NEFM: variants seen among roughly 807,000 people sequenced by gnomAD.
NEFM encodes the protein neurofilament medium polypeptide.
In NEFM, 16 loss-of-function variants were observed where a neutral mutation model predicts 48.1. That is an observed-to-expected ratio of 0.33 (90% confidence interval 0.23 to 0.51). The LOEUF (loss-of-function observed/expected upper bound fraction) is 0.51, where lower values mean the gene tolerates loss of function less well. Ranked by LOEUF, NEFM falls within the 20% of genes least tolerant of loss-of-function variation. The pLI is 0.98. For missense variants in NEFM, 1,107 were observed against 1,136.0 expected (o/e 0.97, Z 0.37); for synonymous variants, 465 against 456.9 (o/e 1.02, Z -0.23).
At position 24,915,636 on chromosome 8, in the gene NEFM, G is replaced by T; in HGVS notation, c.1112G>T (p.Arg371Leu). Reference sequence around the variant, plus strand: ...ATCCAGCAGCTGGAAAATGAGCTTCGGGGCACAAAGTGGGAAATGGCTCGT... The same window carrying T: ...ATCCAGCAGCTGGAAAATGAGCTTCTGGGCACAAAGTGGGAAATGGCTCGT... The part of the protein sequence containing the change: ...DTIQQLENEL[R>L]GTKWEMARHL... Residue 371 changes from arginine to leucine, a missense_variant, in exon 2 of 3, where the codon CGG becomes CTG. By Grantham distance (102) the Arg-to-Leu change is moderately radical (BLOSUM62 -2). This residue lies in a region of NEFM where 917 missense variants were observed against 916.4 expected (regional missense o/e 1.00). Transcript: ENST00000221166. 6.2e-7 allele frequency: 1 copy of T among 1,613,936 alleles called. No individual in the cohort carries two copies. Among genetic ancestry groups the T allele is most frequent in the Non-Finnish European group, 8.5e-7 (1 of 1,179,986 alleles).
intron 2 of NEFM, among the ~76,000 whole-genome samples, chr8:24,916,006 T>C (rs949539895): frequency 5.3e-5 from 8 of 152,228 alleles, no homozygotes; most frequent in Non-Finnish European, 7.3e-5. Flanking sequence ...GCTTAAACTT[T>C]TTATGGAAAA....
At chr8:24,915,078 C>G in intron 1 of NEFM, 1 of 1,377,276 alleles carries the variant, frequency 7.3e-7, no homozygotes, top group South Asian at 1.7e-5. Context: ...CCTGCCCCAG[C>G]TGCTAAGGGT....
chr8:24,914,411 G>A lies in NEFM; in HGVS notation c.618G>A (p.Leu206=). The change falls in exon 1 of 3, where the codon CTG becomes CTA. Residue 206 remains leucine (L), a synonymous_variant. Coordinates refer to ENST00000221166, the MANE Select transcript of NEFM (RefSeq NM_005382.2). ...ACACTGAGGCGGCCATCCGCGCGCT[G>A]CGCAAAGACATCGAGGAGGCGTCGC... ...RDDTEAAIRA[L]RKDIEEASLV... 3.1e-6 allele frequency: 5 copies of A among 1,613,620 alleles called. No individual in the cohort carries two copies. The highest frequency in any genetic ancestry group is 1.1e-5 in the South Asian group (1 of 91,080).
rs751252581 is a variant in NEFM at position 24,914,035 on chromosome 8, C to T, written c.242C>T (p.Ser81Leu). 11 of 1,612,654 alleles carry T rather than the reference C, an allele frequency of 6.8e-6. No individual in the cohort carries two copies. Among genetic ancestry groups the T allele is most frequent in the African/African-American group, 1.3e-5 (1 of 74,956 alleles). ...AGCAGCCTTGACTTCAGCCAGTCCTCGTCCCTGCTCAACGGCGGCTCCGGA... is the reference window on the plus strand; with the variant it reads ...AGCAGCCTTGACTTCAGCCAGTCCTTGTCCCTGCTCAACGGCGGCTCCGGA... ...AESSLDFSQS[S>L]SLLNGGSGPG... Residue 81 changes from serine to leucine, a missense_variant, in exon 1 of 3, where the codon TCG becomes TTG. Transcript: ENST00000221166.
Position 24,918,823 on chromosome 8 carries a change from T to G in NEFM, c.*217T>G. On this transcript the variant is annotated 3_prime_UTR_variant, in exon 3 of 3. Coordinates refer to ENST00000221166, the MANE Select transcript of NEFM (RefSeq NM_005382.2). ...TGTATGTACCTGGGAAATTTGCCGA[T>G]TTCCTAAGCTGTTGGAAGGGGGTCA... is the stretch of plus-strand genomic sequence containing the variant. The G allele has an allele frequency of 1.9e-6, 1 of 535,558 alleles. No homozygotes were observed. The highest frequency in any genetic ancestry group is 3.4e-6 in the Non-Finnish European group (1 of 298,244). The allele number at this position is 535,558 out of a possible 1,614,324, so 33.2% of individuals were successfully genotyped here.
rs1452169141 is a variant in NEFM at position 24,918,545 on chromosome 8, CT to C, written c.2691del (p.Lys899ArgfsTer2). Reference sequence around the variant, plus strand: ...ACCTTTGAGGAGAAACTAGTGTCTACTAAAAAGGTAGAAAAAGTCACTTCAC... The same window carrying C: ...ACCTTTGAGGAGAAACTAGTGTCTACAAAAAGGTAGAAAAAGTCACTTCAC... ...EETFEEKLVS[T>X]KKVEKVTSHA... On this transcript the variant is annotated frameshift_variant, in exon 3 of 3. Transcript: ENST00000221166. LOFTEE classifies it high-confidence loss of function. 1.2e-6 allele frequency: 2 copies of C among 1,613,526 alleles called. No homozygotes were observed. The highest frequency in any genetic ancestry group is 1.7e-6 in the Non-Finnish European group (2 of 1,179,992).
Position 24,914,343 on chromosome 8 carries a change from C to T in NEFM, c.550C>T (p.Arg184Trp). ...GGACCACCTGGAGGAAGACATCCACCGGCTCAAGGAGCGCTTTGAGGAGGA... is the reference window on the plus strand; with the variant it reads ...GGACCACCTGGAGGAAGACATCCACTGGCTCAAGGAGCGCTTTGAGGAGGA... ...DSDHLEEDIHRLKERFEEEAR... is the reference protein window; with the variant it reads ...DSDHLEEDIHWLKERFEEEAR... Residue 184 changes from arginine (R) to tryptophan (W), a missense_variant, in exon 1 of 3, where the codon CGG becomes TGG. Coordinates refer to ENST00000221166, the MANE Select transcript of NEFM (RefSeq NM_005382.2). The T allele has an allele frequency of 1.9e-6, 3 of 1,613,602 alleles. No homozygotes were observed. The highest frequency in any genetic ancestry group is 2.5e-6 in the Non-Finnish European group (3 of 1,179,938).
At position 24,918,512 on chromosome 8, in the gene NEFM, A is replaced by C; in HGVS notation, c.2657A>C (p.His886Pro). ...SVTVTQKVEE[H>P]EETFEEKLVS... ...ACCGTCACTCAAAAGGTTGAAGAGC[A>C]TGAAGAGACCTTTGAGGAGAAACTA... The change falls in exon 3 of 3, where the codon CAT becomes CCT. Residue 886 changes from histidine (H) to proline (P), a missense_variant. Coordinates refer to ENST00000221166, the MANE Select transcript of NEFM (RefSeq NM_005382.2). The C allele has an allele frequency of 6.2e-7, 1 of 1,614,114 alleles. No individual in the cohort carries two copies. The highest frequency in any genetic ancestry group is 8.5e-7 in the Non-Finnish European group (1 of 1,179,986).
At chr8:24,915,343 G>A (rs1462324465) in intron 1 of NEFM, 1 of 1,246,514 alleles carries the variant, frequency 8.0e-7, no homozygotes, top group Non-Finnish European at 1.0e-6. Context: ...CTGTTGAGAC[G>A]TGTTCTAAGT....
At position 24,917,624 on chromosome 8, in the gene NEFM, A is replaced by T; in HGVS notation, c.1769A>T (p.Glu590Val). ...AEAKEEKKVE[E>V]KSEEVATKEE... is the part of the protein sequence containing the mutation. ...GCTAAAGAGGAAAAGAAAGTGGAGGAAAAGAGTGAGGAAGTGGCTACCAAG... is the reference window on the plus strand; with the variant it reads ...GCTAAAGAGGAAAAGAAAGTGGAGGTAAAGAGTGAGGAAGTGGCTACCAAG... The change falls in exon 3 of 3, where the codon GAA (glutamate) becomes GTA (valine). Residue 590 changes from glutamate (E) to valine (V), a missense_variant. This residue lies in a region of NEFM where 917 missense variants were observed against 916.4 expected (regional missense o/e 1.00). Coordinates refer to ENST00000221166, the MANE Select transcript of NEFM (RefSeq NM_005382.2). 3 of 1,612,728 alleles carry T rather than the reference A, an allele frequency of 1.9e-6. No individual in the cohort carries two copies. Among genetic ancestry groups the T allele is most frequent in the Non-Finnish European group, 8.5e-7 (1 of 1,179,676 alleles).
Position 24,917,396 on chromosome 8 carries a change from A to G in NEFM, c.1541A>G (p.Lys514Arg). ...EEVAAKKSPVKATAPEVKEEE... is the reference protein window; with the variant it reads ...EEVAAKKSPVRATAPEVKEEE... Reference sequence around the variant, plus strand: ...GTAGCTGCCAAAAAGTCTCCAGTGAAAGCAACTGCACCTGAAGTTAAAGAA... The same window carrying G: ...GTAGCTGCCAAAAAGTCTCCAGTGAGAGCAACTGCACCTGAAGTTAAAGAA... The change falls in exon 3 of 3, where the codon AAA becomes AGA. Residue 514 changes from lysine (K) to arginine (R), a missense_variant. Transcript: ENST00000221166. 1 of 1,571,032 alleles carries G rather than the reference A, an allele frequency of 6.4e-7. No homozygotes were observed. The highest frequency in any genetic ancestry group is 8.6e-7 in the Non-Finnish European group (1 of 1,157,614).
At position 24,914,688 on chromosome 8, in the gene NEFM, C is replaced by A. The variant is rs777348497; in HGVS notation, c.895C>A (p.Leu299Ile). 2.5e-6 allele frequency: 4 copies of A among 1,614,160 alleles called. No homozygotes were observed. In the East Asian group the frequency reaches 8.9e-5, roughly 36 times the overall value. ...EEWFKCRYAK[L>I]TEAAEQNKEA... ...GTGGTTCAAATGCCGCTACGCCAAG[C>A]TCACCGAGGCGGCCGAGCAGAACAA... The change falls in exon 1 of 3, where the codon CTC becomes ATC. Residue 299 changes from leucine (L) to isoleucine (I), a missense_variant. Physicochemically the swap from Leu to Ile is conservative, Grantham distance 5. Transcript: ENST00000221166.
rs1202701884 is a variant in NEFM, at chr8:24,917,304, C to A, written c.1449C>A (p.Ser483=). 6.2e-7 allele frequency: 1 copy of A among 1,613,740 alleles called. No individual in the cohort carries two copies. Among genetic ancestry groups the A allele is most frequent in the Admixed American group, 1.7e-5 (1 of 59,968 alleles). ...CCATTACAGAGGAATTGGCCGTTTC[C>A]ATGAAGGAAGAGAAGAAAGAAGCAG... ...LTAITEELAV[S]MKEEKKEAAE... The change falls in exon 3 of 3, where the codon TCC becomes TCA. Residue 483 remains serine (S), a synonymous_variant. Transcript: ENST00000221166.
rs1201519983 is a variant in NEFM, at chr8:24,914,493, C to T, written c.700C>T (p.Leu234=). 16 of 1,614,056 alleles carry T rather than the reference C, an allele frequency of 9.9e-6. No individual in the cohort carries two copies. The highest frequency in any genetic ancestry group is 1.4e-5 in the Non-Finnish European group (16 of 1,180,032). Reference sequence around the variant, plus strand: ...GTCGCTGCAGGATGAGGTGGCCTTCCTGCGGAGCAACCACGAGGAGGAGGT... The same window carrying T: ...GTCGCTGCAGGATGAGGTGGCCTTCTTGCGGAGCAACCACGAGGAGGAGGT... ...VQSLQDEVAF[L]RSNHEEEVAD... The change falls in exon 1 of 3, where the codon CTG becomes TTG. Residue 234 remains leucine, a synonymous_variant. Transcript: ENST00000221166.
chr8:24,918,605 A>G lies in NEFM; in HGVS notation c.2750A>G (p.Ter917=), dbSNP rs1485959501. The change falls in exon 3 of 3, where the codon TAA becomes TGA. Residue 917 remains the stop codon, a stop_retained_variant. Coordinates refer to ENST00000221166, the MANE Select transcript of NEFM (RefSeq NM_005382.2). ...GTAAAGGAAGTCACCCAGAGTGACT[A>G]AGATTTGAGTCCATTGCAAAAGGTT... is the stretch of plus-strand genomic sequence containing the variant. ...AIVKEVTQSD[*] 1.3e-6 allele frequency: 2 copies of G among 1,599,072 alleles called. No individual in the cohort carries two copies. Among genetic ancestry groups the G allele is most frequent in the East Asian group, 2.2e-5 (1 of 44,832 alleles).
chr8:24,917,405 C>T lies in NEFM; in HGVS notation c.1550C>T (p.Ala517Val). The change falls in exon 3 of 3, where the codon GCA (alanine) becomes GTA (valine). Residue 517 changes from alanine to valine, a missense_variant. By Grantham distance (64) the Ala-to-Val change is moderately conservative. This residue lies in a region of NEFM where 917 missense variants were observed against 916.4 expected (regional missense o/e 1.00). Coordinates refer to ENST00000221166, the MANE Select transcript of NEFM (RefSeq NM_005382.2). The stretch of plus-strand genomic sequence containing the variant: ...AAAAAGTCTCCAGTGAAAGCAACTG[C>T]ACCTGAAGTTAAAGAAGAGGAAGGG... ...AAKKSPVKAT[A>V]PEVKEEEGEK... The T allele has an allele frequency of 6.4e-7, 1 of 1,566,508 alleles. No homozygotes were observed.
At position 24,915,749 on chromosome 8, in the gene NEFM, C is replaced by T. The variant is rs1287511793; in HGVS notation, c.1205+20C>T. On this transcript the variant is annotated intron_variant, in intron 2 of 2. Coordinates refer to ENST00000221166, the MANE Select transcript of NEFM (RefSeq NM_005382.2). The stretch of plus-strand genomic sequence containing the variant: ...GTACAGGTACGATGCTTACTACGTG[C>T]GTGGCCGGAACACTAACCGCAGTGC... 5.6e-6 allele frequency: 9 copies of T among 1,613,720 alleles called. No individual in the cohort carries two copies. The highest frequency in any genetic ancestry group is 2.2e-5 in the South Asian group (2 of 91,074).
chr8:24,917,337 A>G lies in NEFM; in HGVS notation c.1482A>G (p.Glu494=). The G allele has an allele frequency of 6.2e-7, 1 of 1,612,428 alleles. No individual in the cohort carries two copies. Among genetic ancestry groups the G allele is most frequent in the Non-Finnish European group, 8.5e-7 (1 of 1,179,082 alleles). ...AAGAGAAGAAAGAAGCAGCAGAAGAAAAGGAAGAGGAACCCGAAGCTGAAG... is the reference window on the plus strand; with the variant it reads ...AAGAGAAGAAAGAAGCAGCAGAAGAGAAGGAAGAGGAACCCGAAGCTGAAG... The part of the protein sequence containing the change: ...MKEEKKEAAE[E]KEEEPEAEEE... The change falls in exon 3 of 3, where the codon GAA becomes GAG. Residue 494 remains glutamate, a synonymous_variant. Transcript: ENST00000221166.
In NEFM at chr8:24,914,789, G is replaced by C. The variant is rs752953645; in HGVS notation, c.996G>C (p.Glu332Asp). Residue 332 changes from glutamate (E) to aspartate (D), a missense_variant, in exon 1 of 3, where the codon GAG (glutamate) becomes GAC (aspartate). Around this residue, in one of 3 missense-constraint regions of NEFM, gnomAD observed 917 missense variants for 916.4 expected, o/e 1.00. Coordinates refer to ENST00000221166, the MANE Select transcript of NEFM (RefSeq NM_005382.2). ...RQLQSKSIEL[E>D]SVRGTKESLE... ...TGCAGTCCAAGAGCATCGAGCTAGA[G>C]TCGGTGCGCGGCACCAAGGAGTCCC... The C allele has an allele frequency of 2.9e-5, 47 of 1,607,970 alleles. 1 individual carries two copies. The Admixed American group carries it at 7.3e-4, about 25-fold the overall frequency.
Sources: allele counts gnomAD v4.1 joint callset (sites outside exome capture counted in the v4.1 genomes callset), GRCh38; gene constraint gnomAD v4.1.1; regional missense constraint gnomAD v4.1.1; transcripts MANE v1.5; gene names NCBI Gene and HGNC (gene_info 2026-07-23, HGNC 2026-07-21).